Variants in ROBO2 observed in about 807,000 individuals in gnomAD.
The protein encoded by ROBO2 is roundabout guidance receptor 2, also known as roundabout homolog 2.
ROBO2 carries 53 observed loss-of-function variants against 160.8 expected under a neutral mutation model. The observed-to-expected ratio is 0.33, with a 90% CI of 0.26 to 0.41. The LOEUF is 0.41. Ranked by LOEUF, ROBO2 falls within the 10% of genes least tolerant of loss-of-function variation. The pLI is 1.00. For missense variants in ROBO2, 1,577 were observed against 1,722.4 expected, an observed-to-expected ratio of 0.92 and a Z score of 1.49; for synonymous variants, 664 against 611.7, an observed-to-expected ratio of 1.09 and a Z score of -1.26.
intron 2 of ROBO2, among the ~76,000 whole-genome samples, chr3:76,466,753 A>G (rs1161945890): frequency 3.3e-5 from 5 of 151,976 alleles, no homozygotes. Context: ...AATTTTGTAC[A>G]TTCAGAACAT....
intron 16 of ROBO2, among the ~76,000 whole-genome samples, chr3:77,588,370 C>T (rs1209725138): frequency 1.3e-5 from 2 of 151,980 alleles, no homozygotes; most frequent in African/African-American, 4.8e-5. Context: ...TTTGCAAATA[C>T]CCCATGTTAA....
At chr3:76,561,000 A>G (rs1038442308) in intron 2 of ROBO2, among the ~76,000 whole-genome samples, 3 of 148,196 alleles carry the variant, frequency 2.0e-5, no homozygotes, top group Admixed American at 1.4e-4. Context: ...GTGTATTTAT[A>G]CAAGCTCAAC....
chr3:77,471,261 A>G (rs2083320715), intron 2 of ROBO2, among the ~76,000 whole-genome samples: 1 of 152,224 alleles, frequency 6.6e-6, no homozygotes, highest in South Asian at 2.1e-4. Flanking sequence ...AATTCTAAGA[A>G]CTATTGATTT....
chr3:76,284,365 G>A (rs1046749031), intron 2 of ROBO2, among the ~76,000 whole-genome samples: 38 of 151,500 alleles, frequency 2.5e-4, no homozygotes, highest in African/African-American at 9.0e-4. Flanking sequence ...ATTTTTGATC[G>A]TTCCTTTAGA....
At chr3:77,548,451 G>A (rs1402122557) in intron 7 of ROBO2, among the ~76,000 whole-genome samples, 1 of 151,918 alleles carries the variant, frequency 6.6e-6, no homozygotes, top group Non-Finnish European at 1.5e-5. Flanking sequence ...TCATTATAAT[G>A]TGACTTGTTA....
At chr3:77,410,599 CCTCCTCCTCTTCCTCCTTCTT>C in intron 2 of ROBO2, among the ~76,000 whole-genome samples, 1 of 141,608 alleles carries the variant, frequency 7.1e-6, no homozygotes, top group Non-Finnish European at 1.5e-5. Context: ...TCCTCTTCCT[CCTCCTCCTCTTCCTCCTTCTT>C]CTCCTCCTCT....
At chr3:77,205,041 G>T (rs1322151368) in intron 2 of ROBO2, among the ~76,000 whole-genome samples, 5 of 152,156 alleles carry the variant, frequency 3.3e-5, no homozygotes, top group Non-Finnish European at 7.3e-5. Context: ...CCCCGTGGTA[G>T]GTAGTATCTA....
chr3:76,405,590 C>G (rs529610395), intron 2 of ROBO2, among the ~76,000 whole-genome samples: 1 of 151,814 alleles, frequency 6.6e-6, no homozygotes, highest in South Asian at 2.1e-4. Flanking sequence ...TGCTTAAAAA[C>G]AGCAGGTAGT....
intron 2 of ROBO2, among the ~76,000 whole-genome samples, chr3:76,038,513 A>G (rs886458182): frequency 6.6e-6 from 1 of 151,924 alleles, no homozygotes; most frequent in African/African-American, 2.4e-5. Context: ...TGATCAATAT[A>G]GGGTTAGGAA....
intron 2 of ROBO2, among the ~76,000 whole-genome samples, chr3:77,327,924 A>T (rs2153438349): frequency 6.6e-6 from 1 of 151,850 alleles, no homozygotes; most frequent in Admixed American, 6.6e-5. Flanking sequence ...GGTGATATGC[A>T]CCTGTAATTC....
intron 2 of ROBO2, among the ~76,000 whole-genome samples, chr3:77,405,859 A>G (rs138226023): frequency 6.6e-6 from 1 of 152,322 alleles, no homozygotes; most frequent in African/African-American, 2.4e-5. Context: ...AATATTTACT[A>G]TCTGACCCAT....
intron 2 of ROBO2, among the ~76,000 whole-genome samples, chr3:76,398,077 A>G (rs939027210): frequency 6.6e-6 from 1 of 152,114 alleles, no homozygotes; most frequent in Non-Finnish European, 1.5e-5. Context: ...AACCAACCCA[A>G]ATGTCCAACA....
intron 2 of ROBO2, among the ~76,000 whole-genome samples, chr3:76,014,488 CGT>C (rs2066338068): frequency 1.3e-5 from 1 of 79,034 alleles, no homozygotes; most frequent in African/African-American, 4.7e-5. Flanking sequence ...GTGGCTTATG[CGT>C]GTAATCCCAG....
chr3:77,338,824 G>A (rs527741710), intron 2 of ROBO2, among the ~76,000 whole-genome samples: 9 of 152,174 alleles, frequency 5.9e-5, no homozygotes, highest in African/African-American at 9.6e-5. Flanking sequence ...TTTCTATTGA[G>A]TAAATTATTG....
At chr3:76,049,383 G>GTGTGTGTGTATATATATATATATA (rs1440395230) in intron 2 of ROBO2, among the ~76,000 whole-genome samples, 1 of 36,812 alleles carries the variant, frequency 2.7e-5, no homozygotes, top group African/African-American at 1.1e-4. Context: ...GCTAATTTTA[G>GTGTGTGTGTATATATATATATATA]TATATATATA....
At chr3:76,878,424 G>A (rs2072997220) in intron 2 of ROBO2, among the ~76,000 whole-genome samples, 1 of 151,990 alleles carries the variant, frequency 6.6e-6, no homozygotes. Flanking sequence ...GGTTCTAATG[G>A]TATGTAATTG....
intron 2 of ROBO2, among the ~76,000 whole-genome samples, chr3:76,866,182 A>G (rs2071353651): frequency 6.6e-6 from 1 of 152,120 alleles, no homozygotes; most frequent in South Asian, 2.1e-4. Context: ...ATGTATTTTT[A>G]CTACTCCGTA....
At chr3:76,586,040 T>C (rs1297787084) in intron 2 of ROBO2, among the ~76,000 whole-genome samples, 1 of 152,174 alleles carries the variant, frequency 6.6e-6, no homozygotes, top group African/African-American at 2.4e-5. Context: ...ATTTTATGCA[T>C]TCAACAGTGA....
chr3:76,245,327 G>A (rs1400253820), intron 2 of ROBO2, among the ~76,000 whole-genome samples: 1 of 152,122 alleles, frequency 6.6e-6, no homozygotes, highest in African/African-American at 2.4e-5. Flanking sequence ...TTTTCTATGT[G>A]CAGCAATGTT....
Sources: allele counts gnomAD v4.1 joint callset (sites outside exome capture counted in the v4.1 genomes callset), GRCh38; gene constraint gnomAD v4.1.1; transcripts MANE v1.5; gene names NCBI Gene and HGNC (gene_info 2026-07-23, HGNC 2026-07-21).